GREM2: variants seen among roughly 807,000 people sequenced by gnomAD.
The protein encoded by GREM2 is gremlin-2.
In GREM2, 11 loss-of-function variants were observed where a neutral mutation model predicts 14.2. That is an observed-to-expected ratio of 0.78 (90% CI 0.49 to 1.28). GREM2 has a LOEUF of 1.28. Among genes scored for constraint, GREM2 ranks in the 50% most tolerant of loss-of-function variants. The pLI is 0.00. For missense variants in GREM2, 210 were observed against 218.5 expected (o/e 0.96, Z 0.24); for synonymous variants, 98 against 97.6 (o/e 1.00, Z -0.02).
intron 1 of GREM2, among the ~76,000 whole-genome samples, chr1:240,511,325 C>T (rs1160640430): frequency 6.6e-6 from 1 of 152,116 alleles, no homozygotes; most frequent in Non-Finnish European, 1.5e-5. Context: ...AATAAAAATA[C>T]AGTATAACAA....
intron 1 of GREM2, among the ~76,000 whole-genome samples, chr1:240,513,968 C>A (rs1043953219): frequency 6.6e-6 from 1 of 151,908 alleles, no homozygotes; most frequent in Admixed American, 6.6e-5. Flanking sequence ...AGAAATAGTC[C>A]GGTGCGGTGG....
At chr1:240,495,802 G>GTCTA (rs1677399916) in intron 1 of GREM2, among the ~76,000 whole-genome samples, 4 of 152,178 alleles carry the variant, frequency 2.6e-5, no homozygotes, top group African/African-American at 9.7e-5. Flanking sequence ...TAAACCACAA[G>GTCTA]AGGCCTTTGC....
At chr1:240,500,550 T>G (rs1319367116) in intron 1 of GREM2, among the ~76,000 whole-genome samples, 2 of 152,116 alleles carry the variant, frequency 1.3e-5, no homozygotes, top group African/African-American at 4.8e-5. Context: ...AGTGATCCAT[T>G]CGCCTTGGCC....
At chr1:240,541,537 T>C (rs1678588150) in intron 1 of GREM2, among the ~76,000 whole-genome samples, 1 of 152,184 alleles carries the variant, frequency 6.6e-6, no homozygotes, top group African/African-American at 2.4e-5. Context: ...TGATGATGGG[T>C]TTCATTTTAC....
At chr1:240,512,022 T>C (rs1275222763) in intron 1 of GREM2, among the ~76,000 whole-genome samples, 1 of 152,200 alleles carries the variant, frequency 6.6e-6, no homozygotes, top group African/African-American at 2.4e-5. Context: ...GAAAAGAACA[T>C]GTGCTTTCCA....
chr1:240,560,084 A>G (rs746230311), intron 1 of GREM2, among the ~76,000 whole-genome samples: 1 of 152,184 alleles, frequency 6.6e-6, no homozygotes, highest in Non-Finnish European at 1.5e-5. Context: ...CCAAGAGTTC[A>G]AGACCAGCCT....
At chr1:240,537,000 G>T (rs936204268) in intron 1 of GREM2, among the ~76,000 whole-genome samples, 6 of 152,172 alleles carry the variant, frequency 3.9e-5, no homozygotes, top group African/African-American at 1.2e-4. Flanking sequence ...AGATAAACTG[G>T]AATGACCAAT....
In GREM2 at chr1:240,493,001, A is replaced by G; in HGVS notation, c.475T>C (p.Ser159Pro). The G allele has an allele frequency of 6.4e-7, 1 of 1,569,108 alleles. No homozygotes were observed. Among genetic ancestry groups the G allele is most frequent in the Non-Finnish European group, 8.7e-7 (1 of 1,152,498 alleles). ...IQKVKQCRCM[S>P]VNLSDSDKQ ...TTGTCCGAGTCGCTCAGGTTCACGGACATGCACCGGCACTGCTTCACCTTC... is the reference window on the plus strand; with the variant it reads ...TTGTCCGAGTCGCTCAGGTTCACGGGCATGCACCGGCACTGCTTCACCTTC... The change falls in exon 2 of 2, where the codon TCC becomes CCC. Residue 159 changes from serine (S) to proline (P), a missense_variant. Coordinates refer to ENST00000318160, the MANE Select transcript of GREM2 (RefSeq NM_022469.4).
intron 1 of GREM2, among the ~76,000 whole-genome samples, chr1:240,528,618 G>T (rs1200266575): frequency 6.6e-6 from 1 of 152,170 alleles, no homozygotes; most frequent in Non-Finnish European, 1.5e-5. Flanking sequence ...TAAGTAATTA[G>T]TACCATGCCC....
chr1:240,536,818 A>G (rs1178634046), intron 1 of GREM2, among the ~76,000 whole-genome samples: 1 of 152,208 alleles, frequency 6.6e-6, no homozygotes. Context: ...GTGAGATTTA[A>G]AAGAGGCAAA....
intron 1 of GREM2, among the ~76,000 whole-genome samples, chr1:240,593,270 A>G (rs1679745942): frequency 1.3e-5 from 2 of 152,112 alleles, no homozygotes; most frequent in African/African-American, 4.8e-5. Flanking sequence ...AGGAAGGGGG[A>G]AGAGGCTGCT....
rs1202260849 is a variant in GREM2, at chr1:240,490,363, A to T, written c.*2606T>A. 6.6e-6 allele frequency: 1 copy of T among 152,576 alleles called. No homozygotes were observed. The highest frequency in any genetic ancestry group is 1.5e-5 in the Non-Finnish European group (1 of 68,036). The allele number at this position is 152,576 out of a possible 1,614,324, so 9.5% of individuals were successfully genotyped here. ...TAGAAGATTCCAGACCCCAAAGGAGATCATGTGACATAAGCTAGAGGTTGA... is the reference window on the plus strand; with the variant it reads ...TAGAAGATTCCAGACCCCAAAGGAGTTCATGTGACATAAGCTAGAGGTTGA... On this transcript the variant is annotated 3_prime_UTR_variant, in exon 2 of 2. Coordinates refer to ENST00000318160, the MANE Select transcript of GREM2 (RefSeq NM_022469.4).
At chr1:240,590,284 G>A (rs1013255088) in intron 1 of GREM2, among the ~76,000 whole-genome samples, 1 of 152,064 alleles carries the variant, frequency 6.6e-6, no homozygotes, top group African/African-American at 2.4e-5. Flanking sequence ...GTAGTATCTC[G>A]ATAGCTTGCC....
At chr1:240,521,491 A>G (rs1678093956) in intron 1 of GREM2, among the ~76,000 whole-genome samples, 1 of 152,014 alleles carries the variant, frequency 6.6e-6, no homozygotes, top group Admixed American at 6.5e-5. Flanking sequence ...GAATGGCGTG[A>G]ACCCGGGAGG....
chr1:240,574,540 C>T (rs1024343262), intron 1 of GREM2, among the ~76,000 whole-genome samples: 3 of 151,980 alleles, frequency 2.0e-5, no homozygotes, highest in African/African-American at 4.8e-5. Flanking sequence ...GAAATGTTTG[C>T]AGAAAAGAAG....
intron 1 of GREM2, among the ~76,000 whole-genome samples, chr1:240,534,730 G>A (rs1348152849): frequency 6.6e-6 from 1 of 150,632 alleles, no homozygotes; most frequent in African/African-American, 2.4e-5. Flanking sequence ...TACTATGGAA[G>A]ATGAACTGAA....
intron 1 of GREM2, among the ~76,000 whole-genome samples, chr1:240,554,756 A>G (rs1678920898): frequency 6.6e-6 from 1 of 152,204 alleles, no homozygotes; most frequent in Non-Finnish European, 1.5e-5. Flanking sequence ...TAATTACAAC[A>G]TGTTTTCCTT....
chr1:240,493,809 C>T (rs1677335471), intron 1 of GREM2, among the ~76,000 whole-genome samples: 1 of 152,164 alleles, frequency 6.6e-6, no homozygotes, highest in Non-Finnish European at 1.5e-5. Context: ...GGATCATAGG[C>T]GTGAGCCACC....
At position 240,599,606 on chromosome 1, in the gene GREM2, G is replaced by A. The variant is rs571902758; in HGVS notation, c.-2+12278C>T. Among the ~76,000 whole-genome samples, 37 of 152,304 alleles carry A rather than the reference G, an allele frequency of 2.4e-4. 2 individuals carry two copies. The East Asian group carries it at 6.8e-3, about 28-fold the overall frequency. The stretch of plus-strand genomic sequence containing the variant: ...CAGTCCAAATGGGGTATTTGGAATA[G>A]AGGAAACGCAAGTTTGGGGAAGGGA... On this transcript the variant is annotated intron_variant, in intron 1 of 1. Transcript: ENST00000318160.
Sources: allele counts gnomAD v4.1 joint callset (sites outside exome capture counted in the v4.1 genomes callset), GRCh38; gene constraint gnomAD v4.1.1; transcripts MANE v1.5; gene names NCBI Gene and HGNC (gene_info 2026-07-23, HGNC 2026-07-21).